Variants in PBLD observed in about 807,000 individuals in gnomAD.
The protein encoded by PBLD is phenazine biosynthesis like protein domain containing.
PBLD carries 26 observed loss-of-function variants against 31.3 expected under a neutral mutation model. The observed-to-expected ratio is 0.83, with a 90% CI of 0.61 to 1.15. PBLD has a LOEUF of 1.15. PBLD is among the 50% of genes most tolerant of loss of function. The pLI, the probability that PBLD is intolerant of heterozygous loss-of-function variation, is 0.00. For synonymous variants in PBLD, 114 were observed against 129.0 expected (o/e 0.88, Z 0.79); for missense variants, 307 against 351.7 (o/e 0.87, Z 1.02).
chr10:68,322,000 C>T (rs2044841828), intron 1 of PBLD, among the ~76,000 whole-genome samples: 1 of 152,120 alleles, frequency 6.6e-6, no homozygotes, highest in Admixed American at 6.6e-5. Context: ...ATGGGCTGCT[C>T]TCAGTAACTT....
chr10:68,319,110 A>C (rs1373291873), intron 1 of PBLD, among the ~76,000 whole-genome samples: 1 of 97,442 alleles, frequency 1.0e-5, no homozygotes, highest in Non-Finnish European at 2.0e-5. Flanking sequence ...AAAGAAAGAA[A>C]GGAAAAAGAA....
At chr10:68,332,558 C>CT (rs951729074) in intron 1 of PBLD, among the ~76,000 whole-genome samples, 1 of 152,184 alleles carries the variant, frequency 6.6e-6, no homozygotes, top group Non-Finnish European at 1.5e-5. Context: ...GCTCTTTTTA[C>CT]TTTTTTGTTC....
intron 4 of PBLD, among the ~76,000 whole-genome samples, chr10:68,293,609 A>G (rs952193276): frequency 6.6e-6 from 1 of 152,158 alleles, no homozygotes; most frequent in Admixed American, 6.5e-5. Flanking sequence ...GCATTTTTTC[A>G]TACCTTATCT....
intron 1 of PBLD, among the ~76,000 whole-genome samples, chr10:68,320,590 G>A (rs2044819379): frequency 6.6e-6 from 1 of 151,994 alleles, no homozygotes; most frequent in Admixed American, 6.6e-5. Flanking sequence ...TACCTAATAT[G>A]ATGTAAATGC....
Position 68,282,993 on chromosome 10 carries a change from T to C in PBLD, c.*1184A>G, listed in dbSNP as rs925017399. 6.6e-6 allele frequency: 1 copy of C among 152,078 alleles called. No homozygotes were observed. Among genetic ancestry groups the C allele is most frequent in the Non-Finnish European group, 1.5e-5 (1 of 68,034 alleles). The allele number at this position is 152,078 out of a possible 1,614,324, so 9.4% of individuals were successfully genotyped here. On this transcript the variant is annotated 3_prime_UTR_variant, in exon 10 of 10. Coordinates refer to ENST00000358769, the MANE Select transcript of PBLD (RefSeq NM_022129.4). The stretch of plus-strand genomic sequence containing the variant: ...CATTTTATTGAAGTAAGAGAAGAAT[T>C]CCTTTTACATTATCATTCTCAAGCC...
chr10:68,292,037 G>A lies in PBLD; in HGVS notation c.396C>T (p.Asp132=). The A allele has an allele frequency of 6.3e-7, 1 of 1,590,978 alleles. No individual in the cohort carries two copies. The highest frequency in any genetic ancestry group is 8.6e-7 in the Non-Finnish European group (1 of 1,160,108). ...DLPLYPAHPQ[D]FHEVEDLIKT... Reference sequence around the variant, plus strand: ...TTATCAAGTCCTCTACTTCATGGAAGTCCTAGATGGGGGGAAAAAAAACAA... The same window carrying A: ...TTATCAAGTCCTCTACTTCATGGAAATCCTAGATGGGGGGAAAAAAAACAA... The change falls in exon 6 of 10, where the codon GAC becomes GAT. Residue 132 remains aspartate (D), a splice_region_variant and synonymous_variant. Transcript: ENST00000358769.
rs2044316512 is a variant in PBLD, at chr10:68,288,531, A to G, written c.643T>C (p.Ser215Pro). 6.2e-7 allele frequency: 1 copy of G among 1,614,104 alleles called. No homozygotes were observed. Among genetic ancestry groups the G allele is most frequent in the Admixed American group, 1.7e-5 (1 of 60,010 alleles). ...GGQTQAFDFYSRYFAPWVGVA... is the reference protein window; with the variant it reads ...GGQTQAFDFYPRYFAPWVGVA... ...CCAACCCACGGTGCAAAATATCTTG[A>G]GTAAAAGTCAAATGCTTGGGTCTGC... is the stretch of plus-strand genomic sequence containing the variant. The change falls in exon 8 of 10, where the codon TCA becomes CCA. Residue 215 changes from serine (S) to proline (P), a missense_variant. Ser to Pro is a moderately conservative substitution (Grantham distance 74). Transcript: ENST00000358769.
At chr10:68,309,770 G>T (rs1319897091) in intron 1 of PBLD, among the ~76,000 whole-genome samples, 1 of 145,196 alleles carries the variant, frequency 6.9e-6, no homozygotes, top group Non-Finnish European at 1.5e-5. Flanking sequence ...TCACGCCACT[G>T]CTCTCCAGCC....
intron 1 of PBLD, among the ~76,000 whole-genome samples, chr10:68,309,575 C>T (rs545594260): frequency 2.7e-5 from 4 of 149,050 alleles, no homozygotes; most frequent in African/African-American, 5.0e-5. Context: ...TTTGGGAGGC[C>T]GAGGCAGGCA....
chr10:68,285,546 C>T (rs1450366631), intron 8 of PBLD, 136 bp from the exon 9 acceptor site: 1 of 1,242,110 alleles, frequency 8.1e-7, no homozygotes, highest in Non-Finnish European at 1.1e-6. Flanking sequence ...TTGGCCAGGC[C>T]ACAGCAGGGT....
intron 1 of PBLD, among the ~76,000 whole-genome samples, chr10:68,330,326 T>A (rs1424638534): frequency 6.6e-6 from 1 of 152,112 alleles, no homozygotes; most frequent in Non-Finnish European, 1.5e-5. Flanking sequence ...ACACTGCAGA[T>A]CTCATGGGAG....
intron 2 of PBLD, among the ~76,000 whole-genome samples, chr10:68,298,155 G>A (rs1346814752): frequency 2.0e-5 from 3 of 152,134 alleles, no homozygotes; most frequent in East Asian, 3.8e-4. Context: ...TACGGGAGGC[G>A]GAGGTAGGAG....
chr10:68,296,918 C>T lies in PBLD; in HGVS notation c.152G>A (p.Arg51Gln), dbSNP rs751231804. The change falls in exon 3 of 10, where the codon CGA becomes CAA. Residue 51 changes from arginine (R) to glutamine (Q), a missense_variant. Physicochemically the swap from Arg to Gln is conservative, Grantham distance 43. Coordinates refer to ENST00000358769, the MANE Select transcript of PBLD (RefSeq NM_022129.4). ...AAAGTTGTCTGTCGGGTGCAGTTTT[C>T]GGATAAAAGCAGTTTCAGAGAGGTT... ...EMNLSETAFI[R>Q]KLHPTDNFAQ... is the part of the protein sequence containing the mutation. The T allele has an allele frequency of 2.2e-5, 36 of 1,613,634 alleles. No homozygotes were observed. The Middle Eastern group carries it at 4.9e-4, about 22-fold the overall frequency.
chr10:68,285,500 A>G, intron 8 of PBLD, 90 bp from the exon 9 acceptor site: 1 of 1,509,424 alleles, frequency 6.6e-7, no homozygotes, highest in Non-Finnish European at 8.8e-7. Context: ...TCAATTATCC[A>G]GTTTGAATAA....
chr10:68,310,008 C>A (rs929604638), intron 1 of PBLD, among the ~76,000 whole-genome samples: 2 of 147,958 alleles, frequency 1.4e-5, no homozygotes, highest in Non-Finnish European at 3.0e-5. Flanking sequence ...TGATAGCAGG[C>A]ACCTGTAATC....
At chr10:68,309,994 G>A (rs2044643090) in intron 1 of PBLD, among the ~76,000 whole-genome samples, 1 of 149,078 alleles carries the variant, frequency 6.7e-6, no homozygotes, top group African/African-American at 2.5e-5. Context: ...AAATTAGCCA[G>A]GCATGATAGC....
At chr10:68,329,640 TCA>T (rs1031010792) in intron 1 of PBLD, among the ~76,000 whole-genome samples, 6 of 152,084 alleles carry the variant, frequency 3.9e-5, no homozygotes, top group African/African-American at 9.7e-5. Context: ...GGGTTGGGAC[TCA>T]CAGTGTCTTG....
At chr10:68,305,270 C>CTTTTTTTTT (rs71009039) in intron 2 of PBLD, among the ~76,000 whole-genome samples, 2 of 136,088 alleles carry the variant, frequency 1.5e-5, no homozygotes, top group African/African-American at 2.7e-5. Context: ...ATCAGTCCTC[C>CTTTTTTTTT]TTTTTTTTTT....
chr10:68,331,809 G>A (rs1218362744), intron 1 of PBLD: 1 of 152,368 alleles, frequency 6.6e-6, no homozygotes, highest in African/African-American at 2.4e-5. Context: ...GCGGCAGAAT[G>A]GTACGCTCTG....
Sources: allele counts gnomAD v4.1 joint callset (sites outside exome capture counted in the v4.1 genomes callset), GRCh38; gene constraint gnomAD v4.1.1; transcripts MANE v1.5; gene names NCBI Gene and HGNC (gene_info 2026-07-23, HGNC 2026-07-21).